The following CBFA2T2 variants were observed in gnomAD, a reference collection of about 807,000 sequenced individuals.
CBFA2T2 encodes the protein protein CBFA2T2.
CBFA2T2 carries 11 observed loss-of-function variants against 62.2 expected under a neutral mutation model. The observed-to-expected ratio is 0.18, with a 90% CI of 0.11 to 0.29. CBFA2T2 has a LOEUF of 0.29. Ranked by LOEUF, CBFA2T2 falls within the 10% of genes least tolerant of loss-of-function variation. The pLI, the probability that CBFA2T2 is intolerant of heterozygous loss-of-function variation, is 1.00. For missense variants in CBFA2T2, 592 were observed against 774.1 expected, an observed-to-expected ratio of 0.76 and a Z score of 2.79; for synonymous variants, 295 against 287.5, an observed-to-expected ratio of 1.03 and a Z score of -0.27.
chr20:33,636,547 T>G, intron 8 of CBFA2T2, 93 bp from the exon 9 acceptor site: 13 of 871,368 alleles, frequency 1.5e-5, no homozygotes, highest in East Asian at 2.5e-5. Flanking sequence ...AATATATGTT[T>G]GAGTCTAAGT....
At chr20:33,586,077 T>C (rs1233375134) in intron 1 of CBFA2T2, among the ~76,000 whole-genome samples, 1 of 152,266 alleles carries the variant, frequency 6.6e-6, no homozygotes, top group African/African-American at 2.4e-5. Flanking sequence ...ATTAATGTGT[T>C]ATGGTAATTT....
chr20:33,600,191 T>G (rs1237142869), intron 1 of CBFA2T2: 2 of 135,282 alleles, frequency 1.5e-5, no homozygotes, highest in Non-Finnish European at 3.2e-5. Flanking sequence ...AGTTTTTTTT[T>G]TTTTTTTTTT....
chr20:33,550,821 C>T (rs2146884690), intron 1 of CBFA2T2, among the ~76,000 whole-genome samples: 1 of 152,174 alleles, frequency 6.6e-6, no homozygotes, highest in African/African-American at 2.4e-5. Flanking sequence ...GGGGTTTCAC[C>T]ACCTTGCCCA....
At chr20:33,503,813 C>T (rs547582458) in intron 1 of CBFA2T2, among the ~76,000 whole-genome samples, 224 of 151,662 alleles carry the variant, frequency 1.5e-3, no homozygotes, top group Middle Eastern at 6.8e-3. Flanking sequence ...TGCCACTATG[C>T]GTGGCCAAGA....
intron 1 of CBFA2T2, among the ~76,000 whole-genome samples, chr20:33,510,743 C>T (rs892109206): frequency 9.2e-5 from 14 of 152,154 alleles, no homozygotes; most frequent in African/African-American, 3.4e-4. Context: ...CTAGTTTACA[C>T]TCCCACCCAC....
chr20:33,635,831 A>C (rs1407483288), intron 8 of CBFA2T2, among the ~76,000 whole-genome samples: 1 of 152,168 alleles, frequency 6.6e-6, no homozygotes, highest in African/African-American at 2.4e-5. Context: ...GCCAGTGATC[A>C]GCTGTGTATC....
chr20:33,535,118 A>G (rs2146872674), intron 1 of CBFA2T2, among the ~76,000 whole-genome samples: 1 of 152,358 alleles, frequency 6.6e-6, no homozygotes, highest in Non-Finnish European at 1.5e-5. Flanking sequence ...ATTTATGCAC[A>G]TGCCTCTTTA....
At chr20:33,642,982 A>C (rs1295807801) in intron 10 of CBFA2T2, among the ~76,000 whole-genome samples, 2 of 152,192 alleles carry the variant, frequency 1.3e-5, no homozygotes, top group African/African-American at 4.8e-5. Context: ...TCACTTTCAA[A>C]AGCAGGGAAG....
rs141215996 is a variant in CBFA2T2 at position 33,508,306 on chromosome 20, G to A, written c.34+18005G>A. 7.3e-3 allele frequency among the ~76,000 whole-genome samples: 1,113 copies of A among 152,208 alleles called. 18 individuals carry two copies. The highest frequency in any genetic ancestry group is 0.026 in the African/African-American group (1,075 of 41,550). ...GATGGAGTTTCACCATGTTGCTCAG[G>A]CTGGTGTCAAACTCCTGGGCTCAAG... is the stretch of plus-strand genomic sequence containing the variant. On this transcript the variant is annotated intron_variant, in intron 1 of 10. Transcript: ENST00000342704.
At chr20:33,553,132 A>C (rs1436528315) in intron 1 of CBFA2T2, among the ~76,000 whole-genome samples, 1 of 152,090 alleles carries the variant, frequency 6.6e-6, no homozygotes, top group African/African-American at 2.4e-5. Flanking sequence ...ATTTTTCTTT[A>C]CTGTGTCTCC....
chr20:33,573,181 T>C (rs2013647947), intron 1 of CBFA2T2, among the ~76,000 whole-genome samples: 1 of 152,190 alleles, frequency 6.6e-6, no homozygotes, highest in Admixed American at 6.5e-5. Flanking sequence ...CCTGCCCTCA[T>C]GGAGATTAAA....
At chr20:33,631,145 T>C (rs1807016239) in intron 8 of CBFA2T2, among the ~76,000 whole-genome samples, 2 of 152,078 alleles carry the variant, frequency 1.3e-5, no homozygotes, top group South Asian at 4.1e-4. Flanking sequence ...AAACCCCGTC[T>C]CTACTAAAAA....
At chr20:33,641,798 A>G (rs1309000827) in intron 10 of CBFA2T2, among the ~76,000 whole-genome samples, 2 of 151,696 alleles carry the variant, frequency 1.3e-5, no homozygotes, top group Non-Finnish European at 2.9e-5. Flanking sequence ...GGCCAGGCTA[A>G]TCTTGAACTC....
At chr20:33,611,587 C>T (rs534969883) in intron 3 of CBFA2T2, among the ~76,000 whole-genome samples, 1 of 152,188 alleles carries the variant, frequency 6.6e-6, no homozygotes, top group South Asian at 2.1e-4. Context: ...GCGAACACAG[C>T]TCACTTCAGC....
At chr20:33,494,706 C>A (rs374522557) in intron 1 of CBFA2T2, among the ~76,000 whole-genome samples, 38 of 152,204 alleles carry the variant, frequency 2.5e-4, no homozygotes, top group African/African-American at 8.7e-4. Context: ...TCAAGCGATT[C>A]TCCTGCCTCA....
intron 1 of CBFA2T2, among the ~76,000 whole-genome samples, chr20:33,580,797 T>C (rs777373146): frequency 2.0e-5 from 3 of 152,126 alleles, no homozygotes; most frequent in Non-Finnish European, 4.4e-5. Flanking sequence ...GAGACTGCAG[T>C]GAGCAGAGAT....
intron 1 of CBFA2T2, among the ~76,000 whole-genome samples, chr20:33,514,206 G>GTTTTTTTTT: frequency 1.9e-5 from 1 of 53,330 alleles, no homozygotes; most frequent in Non-Finnish European, 3.5e-5. Flanking sequence ...CCCTGCCTTT[G>GTTTTTTTTT]TTTTTTTTTT....
intron 1 of CBFA2T2, among the ~76,000 whole-genome samples, chr20:33,597,687 T>C (rs1306338854): frequency 1.3e-5 from 2 of 152,098 alleles, no homozygotes; most frequent in East Asian, 3.9e-4. Context: ...CCACCCCCAG[T>C]TAGTGGAGTG....
intron 1 of CBFA2T2, among the ~76,000 whole-genome samples, chr20:33,570,764 G>A (rs1308825859): frequency 6.6e-6 from 1 of 152,184 alleles, no homozygotes; most frequent in Non-Finnish European, 1.5e-5. Context: ...GGAGTTTGCA[G>A]TCTAATGTGA....
Sources: allele counts gnomAD v4.1 joint callset (sites outside exome capture counted in the v4.1 genomes callset), GRCh38; gene constraint gnomAD v4.1.1; transcripts MANE v1.5; gene names NCBI Gene and HGNC (gene_info 2026-07-23, HGNC 2026-07-21).